Variants in COL13A1 observed in about 807,000 individuals in gnomAD.
COL13A1 encodes collagen alpha-1(XIII) chain.
Under a neutral mutation model 130.9 loss-of-function variants are expected in COL13A1, and 89 were observed. That is an observed-to-expected ratio of 0.68 (90% confidence interval 0.57 to 0.81). COL13A1 has a LOEUF of 0.81. Ranked by LOEUF, COL13A1 falls within the 30% of genes least tolerant of loss-of-function variation. COL13A1 has a pLI of 0.00. For missense variants in COL13A1, 879 were observed against 934.6 expected (o/e 0.94, Z 0.78); for synonymous variants, 402 against 341.6 (o/e 1.18, Z -1.95).
chr10:69,861,369 G>T (rs964453296), intron 2 of COL13A1, among the ~76,000 whole-genome samples: 1 of 152,148 alleles, frequency 6.6e-6, no homozygotes, highest in Non-Finnish European at 1.5e-5. Context: ...ACCTCCTGGG[G>T]CCAGGGCATG....
intron 3 of COL13A1, among the ~76,000 whole-genome samples, chr10:69,871,455 T>C (rs1271070884): frequency 6.6e-6 from 1 of 152,192 alleles, no homozygotes; most frequent in African/African-American, 2.4e-5. Flanking sequence ...CCTGTCCCCA[T>C]GAACGCTGTA....
At position 69,880,511 on chromosome 10, in the gene COL13A1, C is replaced by A. The variant is rs764986358; in HGVS notation, c.471C>A (p.Pro157=). The change falls in exon 7 of 41, where the codon CCC becomes CCA. Residue 157 remains proline, a synonymous_variant. Transcript: ENST00000645393. ...VKGQPGEKGS[P]GDAGLSIIGP... ...TTCCTCTCTCCCCGCAGGGGTCCCC[C>A]GGAGACGCTGGGCTGTCCATCATTG... is the stretch of plus-strand genomic sequence containing the variant. 3.9e-5 allele frequency: 63 copies of A among 1,612,376 alleles called. No individual in the cohort carries two copies. Among genetic ancestry groups the A allele is most frequent in the Middle Eastern group, 3.3e-4 (2 of 6,030 alleles).
At chr10:69,897,069 G>T (rs1205854384) in intron 13 of COL13A1, among the ~76,000 whole-genome samples, 1 of 152,052 alleles carries the variant, frequency 6.6e-6, no homozygotes, top group Non-Finnish European at 1.5e-5. Flanking sequence ...CCCAACATAA[G>T]GAAAGGGAAG....
intron 40 of COL13A1, among the ~76,000 whole-genome samples, chr10:69,957,714 GCAGA>G (rs769408320): frequency 3.3e-4 from 50 of 152,184 alleles, no homozygotes; most frequent in Non-Finnish European, 6.6e-4. Context: ...GGCTGCCCAG[GCAGA>G]CAGAGGCCAT....
chr10:69,926,001 G>T, intron 26 of COL13A1, 129 bp downstream of exon 26: 1 of 728,822 alleles, frequency 1.4e-6, no homozygotes, highest in Non-Finnish European at 2.3e-6. Flanking sequence ...AGCGCTTCCA[G>T]GAGAGCTGCT....
chr10:69,957,109 C>G lies in COL13A1; in HGVS notation c.2184+67C>G. 3 of 1,375,202 alleles carry G rather than the reference C, an allele frequency of 2.2e-6. No homozygotes were observed. In the South Asian group the frequency reaches 3.5e-5, roughly 16 times the overall value. 85.2% of individuals were successfully genotyped at this position (1,375,202 alleles called of 1,614,324 possible). ...CAGTGCCATAAAGCTTCCACAATTTCCATTCTGCCTTGCTACAGATGAGGC... is the reference window on the plus strand; with the variant it reads ...CAGTGCCATAAAGCTTCCACAATTTGCATTCTGCCTTGCTACAGATGAGGC... On this transcript the variant is annotated intron_variant, in intron 40 of 40. Coordinates refer to ENST00000645393, the MANE Select transcript of COL13A1 (RefSeq NM_001368882.1).
chr10:69,824,248 A>T (rs375294907), intron 2 of COL13A1: 30 of 436,802 alleles, frequency 6.9e-5, no homozygotes, highest in Non-Finnish European at 6.7e-5. Context: ...CATGATTATG[A>T]TTATTTTCTC....
chr10:69,882,083 G>A (rs1294185219), intron 7 of COL13A1, among the ~76,000 whole-genome samples: 1 of 152,210 alleles, frequency 6.6e-6, no homozygotes, highest in African/African-American at 2.4e-5. Context: ...CAATGCCCTG[G>A]CCAAATTGGT....
intron 10 of COL13A1, among the ~76,000 whole-genome samples, chr10:69,894,090 G>A (rs1177629174): frequency 6.6e-6 from 1 of 152,198 alleles, no homozygotes; most frequent in Non-Finnish European, 1.5e-5. Flanking sequence ...TTTGCTGAAG[G>A]TTTCTCTAAG....
intron 2 of COL13A1, among the ~76,000 whole-genome samples, chr10:69,852,797 C>A (rs1043355465): frequency 6.6e-6 from 1 of 152,206 alleles, no homozygotes; most frequent in Admixed American, 6.5e-5. Context: ...CCTCGCTGGG[C>A]AAAACTGGCA....
rs2763340 is a variant in COL13A1, at chr10:69,930,828, C to A, written c.1683+276C>A. 0.97 allele frequency among the ~76,000 whole-genome samples: 147,838 copies of A among 152,272 alleles called. 71,922 individuals are homozygous for A. Among genetic ancestry groups the A allele is most frequent in the Middle Eastern group, 1 (294 of 294 alleles). On this transcript the variant is annotated intron_variant, in intron 30 of 40. Transcript: ENST00000645393. ...GAGTCTCCGTCTCCTCATCTCTAAACTGGCGATAATAATGTTTTCCCTGGA... is the reference window on the plus strand; with the variant it reads ...GAGTCTCCGTCTCCTCATCTCTAAAATGGCGATAATAATGTTTTCCCTGGA...
chr10:69,930,620 G>A, intron 30 of COL13A1, 68 bp downstream of exon 30: 8 of 1,522,780 alleles, frequency 5.3e-6, no homozygotes, highest in Non-Finnish European at 7.1e-6. Context: ...GCTTTGCAGG[G>A]CTTTGCACTT....
intron 23 of COL13A1, 84 bp downstream of exon 23, chr10:69,922,878 G>C: frequency 1.1e-6 from 1 of 887,408 alleles, no homozygotes; most frequent in Non-Finnish European, 1.7e-6. Context: ...TCTACGTCCC[G>C]GACATCCCGC....
At chr10:69,942,822 C>T (rs143945597) in intron 35 of COL13A1, among the ~76,000 whole-genome samples, 20 of 152,306 alleles carry the variant, frequency 1.3e-4, no homozygotes, top group Middle Eastern at 3.4e-3. Flanking sequence ...GACTCCGTGG[C>T]GCTGTGCCCA....
Position 69,802,429 on chromosome 10 carries a change from AGC to A in COL13A1, c.8_9del (p.Ala3GlyfsTer115), listed in dbSNP as rs1840242761. On this transcript the variant is annotated frameshift_variant, in exon 1 of 41. Transcript: ENST00000645393. LOFTEE classifies it high-confidence loss of function. ...GGTTCTCAAGACGCGAGAGGATGGTAGCGGAGCGCACCCACAAAGCGGCAGCC... is the reference window on the plus strand; with the variant it reads ...GGTTCTCAAGACGCGAGAGGATGGTAGGAGCGCACCCACAAAGCGGCAGCC... MV[A>X]ERTHKAAATG... The A allele has an allele frequency of 6.7e-7, 1 of 1,496,862 alleles. No individual in the cohort carries two copies. The highest frequency in any genetic ancestry group is 8.9e-7 in the Non-Finnish European group (1 of 1,129,346). The allele number at this position is 1,496,862 out of a possible 1,614,324, so 92.7% of individuals were successfully genotyped here.
intron 33 of COL13A1, among the ~76,000 whole-genome samples, chr10:69,937,242 T>C (rs539611670): frequency 3.9e-5 from 6 of 152,298 alleles, no homozygotes; most frequent in Admixed American, 3.9e-4. Context: ...TGCCCTGGTA[T>C]TCAAGAGACT....
chr10:69,937,572 T>G, intron 33 of COL13A1, 63 bp from the exon 34 acceptor site: 1 of 815,274 alleles, frequency 1.2e-6, no homozygotes, highest in Non-Finnish European at 2.1e-6. Flanking sequence ...GACCCCAGAA[T>G]GCAAGAATGA....
chr10:69,832,776 C>G lies in COL13A1; in HGVS notation c.364+10338C>G, dbSNP rs374305894. Reference sequence around the variant, plus strand: ...AAGACTCGCCCTCCTTCGCCCCACTCCATCCAGCCACCATGCGGAGCAGGA... The same window carrying G: ...AAGACTCGCCCTCCTTCGCCCCACTGCATCCAGCCACCATGCGGAGCAGGA... On this transcript the variant is annotated intron_variant, in intron 2 of 40. Transcript: ENST00000645393. Among the ~76,000 whole-genome samples the G allele has an allele frequency of 6.6e-5, 10 of 152,332 alleles. No homozygotes were observed. The East Asian group carries it at 1.5e-3, about 23-fold the overall frequency.
intron 34 of COL13A1, among the ~76,000 whole-genome samples, chr10:69,938,403 C>T (rs748127291): frequency 6.6e-5 from 10 of 152,108 alleles, no homozygotes. Context: ...GGGCTCCATG[C>T]CCCCTAACCC....
Sources: gnomAD v4.1 joint callset for allele counts (sites outside exome capture counted in the v4.1 genomes callset) on GRCh38, gnomAD v4.1.1 for gene constraint, MANE v1.5 for transcripts, NCBI Gene and HGNC (gene_info 2026-07-23, HGNC 2026-07-21) for gene names.